Variants in PCDHGB4 observed in about 807,000 individuals in gnomAD.
PCDHGB4 encodes the protein protocadherin gamma-B4.
Under a neutral mutation model 60.5 loss-of-function variants are expected in PCDHGB4, and 38 were observed. The ratio of observed to expected loss-of-function variants is 0.63; its 90% CI spans 0.48 to 0.82. PCDHGB4 has a LOEUF of 0.82. Ranked by LOEUF, PCDHGB4 falls within the 40% of genes least tolerant of loss-of-function variation. The probability of loss-of-function intolerance (pLI) is 0.00; values close to 1 mark genes in which losing one functional copy is unlikely to be tolerated. For missense variants in PCDHGB4, 1,109 were observed against 1,209.6 expected (o/e 0.92, Z 1.23); for synonymous variants, 456 against 509.7 (o/e 0.89, Z 1.42).
intron 1 of PCDHGB4, among the ~76,000 whole-genome samples, chr5:141,461,345 G>A (rs1277222105): frequency 1.3e-5 from 2 of 152,102 alleles, no homozygotes; most frequent in African/African-American, 4.8e-5. Context: ...CAGGACCAAG[G>A]TGGTAGCTCG....
At chr5:141,421,601 T>C (rs1309928984) in intron 1 of PCDHGB4, 19 of 1,613,652 alleles carry the variant, frequency 1.2e-5, no homozygotes, top group Non-Finnish European at 1.6e-5. Context: ...GTGGAAATAA[T>C]AGATATTAAT....
In PCDHGB4 at chr5:141,476,238, G is replaced by A; in HGVS notation, c.2398-18569G>A. The A allele has an allele frequency of 1.2e-6, 2 of 1,614,098 alleles. No individual in the cohort carries two copies. ...ATTCACTATGAGATCCCGGAGGAAAGAGAGAAGGGTTTCGCTGTGGGCAAC... is the reference window on the plus strand; with the variant it reads ...ATTCACTATGAGATCCCGGAGGAAAAAGAGAAGGGTTTCGCTGTGGGCAAC... On this transcript the variant is annotated intron_variant, in intron 1 of 3. Coordinates refer to ENST00000519479, the MANE Select transcript of PCDHGB4 (RefSeq NM_003736.4). The surrounding 1 kb of genome is among the most constrained non-coding windows in gnomAD (Gnocchi z 7.6).
Position 141,422,343 on chromosome 5 carries a change from G to T in PCDHGB4, c.2397+32062G>T, listed in dbSNP as rs764862139. ...GTACAGTGATTGCTCTTCTAAATGT[G>T]CAAGATCAAGATTCTGGAGAAAATG... On this transcript the variant is annotated intron_variant, in intron 1 of 3. Transcript: ENST00000519479. 1.9e-6 allele frequency: 3 copies of T among 1,551,388 alleles called. No individual in the cohort carries two copies. The East Asian group carries it at 6.7e-5, about 35-fold the overall frequency.
intron 1 of PCDHGB4, chr5:141,393,429 G>GCAA (rs761074463): frequency 2.5e-6 from 4 of 1,613,910 alleles, no homozygotes; most frequent in South Asian, 1.1e-5. Flanking sequence ...GGAGGAAGAG[G>GCAA]CTGCTCACCA....
At chr5:141,407,512 T>G (rs910710605) in intron 1 of PCDHGB4, among the ~76,000 whole-genome samples, 3 of 152,192 alleles carry the variant, frequency 2.0e-5, no homozygotes, top group Non-Finnish European at 4.4e-5. Flanking sequence ...TCTTAGGCTA[T>G]GTAGGACTTA....
At chr5:141,508,162 G>A (rs377676571) in intron 3 of PCDHGB4, 4 of 152,502 alleles carry the variant, frequency 2.6e-5, no homozygotes, top group African/African-American at 9.7e-5. Context: ...CCTGAGTAGA[G>A]GCTGGCACAG....
At position 141,512,630 on chromosome 5, in the gene PCDHGB4, G is replaced by C. The variant is rs1335322474; in HGVS notation, c.*1457G>C. On this transcript the variant is annotated 3_prime_UTR_variant, in exon 4 of 4. Transcript: ENST00000519479. ...GGGGCTGCCAGAGAACCCCAGACCT[G>C]CCCTTACAGTAGTGTAGCGCCCCCT... The C allele has an allele frequency of 6.5e-6, 1 of 152,888 alleles. No individual in the cohort carries two copies. Among genetic ancestry groups the C allele is most frequent in the Non-Finnish European group, 1.5e-5 (1 of 68,576 alleles). 9.5% of individuals were successfully genotyped at this position (152,888 alleles called of 1,614,324 possible).
At chr5:141,510,695 C>T (rs1023505006) in intron 3 of PCDHGB4, among the ~76,000 whole-genome samples, 1 of 152,166 alleles carries the variant, frequency 6.6e-6, no homozygotes, top group Non-Finnish European at 1.5e-5. Context: ...GTTAGGTAGA[C>T]TTGCCCAGGA....
Position 141,388,880 on chromosome 5 carries a change from G to T in PCDHGB4, c.996G>T (p.Glu332Asp). The change falls in exon 1 of 4, where the codon GAG (glutamate) becomes GAT (aspartate). Residue 332 changes from glutamate to aspartate, a missense_variant. By Grantham distance (45) the Glu-to-Asp change is conservative (BLOSUM62 2). Around this residue, in one of 2 missense-constraint regions of PCDHGB4, gnomAD observed 1,068 missense variants for 1,089.9 expected, o/e 0.98. Transcript: ENST00000519479. ...GGGMIAQCTV[E>D]VEVIDENDNA... ...GAATGATTGCGCAATGCACAGTGGA[G>T]GTAGAAGTCATAGATGAAAATGACA... is the stretch of plus-strand genomic sequence containing the variant. 1.2e-6 allele frequency: 2 copies of T among 1,613,982 alleles called. No homozygotes were observed. The highest frequency in any genetic ancestry group is 1.7e-6 in the Non-Finnish European group (2 of 1,179,870).
chr5:141,415,740 G>GTTTTTTTTTTTTTTTT (rs57426385), intron 1 of PCDHGB4: 34 of 625,042 alleles, frequency 5.4e-5, no homozygotes, highest in African/African-American at 2.0e-4. Flanking sequence ...GTTTATTAAG[G>GTTTTTTTTTTTTTTTT]TTTTTTTTTT....
Position 141,491,620 on chromosome 5 carries a change from A to C in PCDHGB4, c.2398-3187A>C. On this transcript the variant is annotated intron_variant, in intron 1 of 3. Coordinates refer to ENST00000519479, the MANE Select transcript of PCDHGB4 (RefSeq NM_003736.4). This position sits in a 1 kb window ranked among gnomAD's most constrained non-coding sequence, Gnocchi z 6.9. ...TGACTTCACTTTTCTAAGACCCCTC[A>C]GCGTTCAGCAGCCCACAGCTCTGGC... is the stretch of plus-strand genomic sequence containing the variant. 6.2e-7 allele frequency: 1 copy of C among 1,613,906 alleles called. No individual in the cohort carries two copies. The highest frequency in any genetic ancestry group is 1.1e-5 in the South Asian group (1 of 91,084).
At chr5:141,498,967 GGGAGGGAA>G (rs1395523211) in intron 2 of PCDHGB4, among the ~76,000 whole-genome samples, 34 of 129,670 alleles carry the variant, frequency 2.6e-4, no homozygotes, top group Admixed American at 1.5e-3. Flanking sequence ...GAGGGAGGGA[GGGAGGGAA>G]GGAAGGAAGG....
intron 1 of PCDHGB4, among the ~76,000 whole-genome samples, chr5:141,460,117 T>G (rs1454761302): frequency 6.6e-6 from 1 of 151,982 alleles, no homozygotes; most frequent in Non-Finnish European, 1.5e-5. Context: ...ATGATTTTTA[T>G]ATATGTAATA....
At chr5:141,413,396 G>A in intron 1 of PCDHGB4, 1 of 1,614,060 alleles carries the variant, frequency 6.2e-7, no homozygotes, top group Non-Finnish European at 8.5e-7. Flanking sequence ...GTCTCCAGAG[G>A]TAGGACGCAG....
At position 141,486,714 on chromosome 5, in the gene PCDHGB4, CAG is replaced by C; in HGVS notation, c.2398-8092_2398-8091del. ...TCTTTCATCTCTCTGAACCCCCAGA[CAG>C]GAGCTGTTCATGCTACTCGATCCTT... On this transcript the variant is annotated intron_variant, in intron 1 of 3. Coordinates refer to ENST00000519479, the MANE Select transcript of PCDHGB4 (RefSeq NM_003736.4). This position sits in a 1 kb window ranked among gnomAD's most constrained non-coding sequence, Gnocchi z 5.0. 1 of 1,614,216 alleles carries C rather than the reference CAG, an allele frequency of 6.2e-7. No homozygotes were observed. Among genetic ancestry groups the C allele is most frequent in the Non-Finnish European group, 8.5e-7 (1 of 1,180,034 alleles).
At chr5:141,423,237 C>A in intron 1 of PCDHGB4, 1 of 1,613,916 alleles carries the variant, frequency 6.2e-7, no homozygotes, top group Non-Finnish European at 8.5e-7. Context: ...ACAGCATCCC[C>A]GAAGTCCTGG....
At chr5:141,434,667 G>A (rs1464226862) in intron 1 of PCDHGB4, among the ~76,000 whole-genome samples, 5 of 151,956 alleles carry the variant, frequency 3.3e-5, no homozygotes, top group African/African-American at 1.2e-4. Context: ...CTATAGAAAT[G>A]ATGCTAATGA....
At chr5:141,458,662 C>A (rs948275548) in intron 1 of PCDHGB4, among the ~76,000 whole-genome samples, 2 of 152,064 alleles carry the variant, frequency 1.3e-5, no homozygotes, top group Non-Finnish European at 2.9e-5. Flanking sequence ...CTCCACCTCT[C>A]GGGTTCAAGC....
chr5:141,403,429 T>C (rs1282528901), intron 1 of PCDHGB4: 2 of 1,614,006 alleles, frequency 1.2e-6, no homozygotes, highest in Non-Finnish European at 1.7e-6. Flanking sequence ...AAGCTATTGA[T>C]CCGGATGTTG....
Sources: gnomAD v4.1 joint callset for allele counts (sites outside exome capture counted in the v4.1 genomes callset) on GRCh38, gnomAD v4.1.1 for gene constraint, gnomAD v4.1.1 regional missense constraint, Gnocchi (gnomAD v3.1) non-coding constraint, MANE v1.5 for transcripts, NCBI Gene and HGNC (gene_info 2026-07-23, HGNC 2026-07-21) for gene names.